DACH2: variants seen among roughly 807,000 people sequenced by gnomAD.
The protein encoded by DACH2 is dachshund homolog 2.
DACH2 carries 17 observed loss-of-function variants against 35.8 expected under a neutral mutation model. That is an observed-to-expected ratio of 0.48 (90% CI 0.33 to 0.71). DACH2 has a LOEUF of 0.71. Among genes scored for constraint, DACH2 ranks in the 30% least tolerant of loss-of-function variants. The pLI, the probability that DACH2 is intolerant of heterozygous loss-of-function variation, is 0.02. For missense variants in DACH2, 469 were observed against 472.7 expected, an observed-to-expected ratio of 0.99 and a Z score of 0.07; for synonymous variants, 195 against 177.3, an observed-to-expected ratio of 1.10 and a Z score of -0.79.
intron 1 of DACH2, among the ~76,000 whole-genome samples, chrX:86,344,787 C>G (rs2035470998): frequency 9.0e-6 from 1 of 111,686 alleles, no homozygotes; most frequent in Non-Finnish European, 1.9e-5. Context: ...AGTCTCCTTT[C>G]CCTTTGTCTC....
chrX:86,781,390 A>T (rs1228156813), intron 7 of DACH2, among the ~76,000 whole-genome samples: 1 of 111,740 alleles, frequency 8.9e-6, no homozygotes, highest in Admixed American at 9.5e-5. Context: ...ATATGGTCAA[A>T]GTATTATGTA....
At position 86,739,858 on chromosome X, in the gene DACH2, A is replaced by G; in HGVS notation, c.1216A>G (p.Met406Val). The change falls in exon 7 of 12, where the codon ATG becomes GTG. Residue 406 changes from methionine (M) to valine (V), a missense_variant. This residue lies in a region of DACH2 where 363 missense variants were observed against 334.4 expected (regional missense o/e 1.09). Transcript: ENST00000373125. ...SSSVSSSPSQ[M>V]DHHLERMEEV... ...CAGTGTGTCCAGCTCTCCCTCTCAG[A>G]TGGATCATCATTTGGAAAGAATGGG... is the stretch of plus-strand genomic sequence containing the variant. 1 of 1,200,714 alleles carries G rather than the reference A, an allele frequency of 8.3e-7. No homozygotes were observed. The highest frequency in any genetic ancestry group is 1.1e-6 in the Non-Finnish European group (1 of 890,913).
chrX:86,320,114 C>T (rs1462015246), intron 1 of DACH2, among the ~76,000 whole-genome samples: 5 of 111,142 alleles, frequency 4.5e-5, no homozygotes, highest in African/African-American at 1.6e-4. Flanking sequence ...TTTCTGTTTT[C>T]CCTAGGAGTC....
intron 1 of DACH2, among the ~76,000 whole-genome samples, chrX:86,293,219 G>A (rs2034350311): frequency 9.7e-6 from 1 of 103,154 alleles, no homozygotes; most frequent in Non-Finnish European, 2.0e-5. Flanking sequence ...TTGATTTAAA[G>A]TCTGTTGTAT....
chrX:86,599,466 T>TTTTCTTTC (rs534501331), intron 3 of DACH2, among the ~76,000 whole-genome samples: 15,138 of 62,543 alleles, frequency 0.24, 2,115 homozygotes, highest in Non-Finnish European at 0.26. Context: ...TCCTTCCTTC[T>TTTTCTTTC]TTTCTTTCTT....
intron 3 of DACH2, among the ~76,000 whole-genome samples, chrX:86,635,911 C>T (rs373546076): frequency 5.4e-5 from 6 of 111,656 alleles, no homozygotes; most frequent in Middle Eastern, 4.6e-3. Context: ...ACATCCCATA[C>T]TCATGGATAG....
intron 3 of DACH2, among the ~76,000 whole-genome samples, chrX:86,571,366 A>G (rs1428508962): frequency 9.1e-6 from 1 of 110,413 alleles, no homozygotes; most frequent in East Asian, 2.9e-4. Flanking sequence ...TTACATATGT[A>G]TACATGTGCC....
At chrX:86,454,839 AGG>A (rs2037445930) in intron 2 of DACH2, among the ~76,000 whole-genome samples, 1 of 112,021 alleles carries the variant, frequency 8.9e-6, no homozygotes, top group African/African-American at 3.2e-5. Flanking sequence ...AGTCATTTGA[AGG>A]AGAAGAGGCA....
intron 1 of DACH2, among the ~76,000 whole-genome samples, chrX:86,171,956 C>T (rs7061962): frequency 0.07 from 7,811 of 111,152 alleles, 673 homozygotes; most frequent in African/African-American, 0.24. Flanking sequence ...CCTTTGGGTA[C>T]ACGTGTGAAG....
intron 1 of DACH2, among the ~76,000 whole-genome samples, chrX:86,199,165 C>T (rs1214167752): frequency 2.7e-5 from 3 of 110,682 alleles, no homozygotes; most frequent in African/African-American, 9.9e-5. Flanking sequence ...AGAAAAAAAC[C>T]ACATGATTAT....
intron 1 of DACH2, among the ~76,000 whole-genome samples, chrX:86,152,948 A>T (rs1349087587): frequency 1.8e-5 from 2 of 111,817 alleles, no homozygotes; most frequent in African/African-American, 6.5e-5. Context: ...TTCTTACTAA[A>T]TTCTCCTAAG....
intron 2 of DACH2, among the ~76,000 whole-genome samples, chrX:86,493,862 A>G (rs1444960959): frequency 8.9e-6 from 1 of 112,237 alleles, no homozygotes; most frequent in Non-Finnish European, 1.9e-5. Flanking sequence ...GGTGTGAGCC[A>G]GACAGTTTCA....
intron 3 of DACH2, among the ~76,000 whole-genome samples, chrX:86,546,354 T>C (rs191525137): frequency 9.3e-4 from 63 of 67,404 alleles, no homozygotes; most frequent in African/African-American, 3.2e-3. Context: ...CTTCTTCTTC[T>C]TCCTCTTCTT....
At chrX:86,168,347 A>G (rs1423646885) in intron 1 of DACH2, among the ~76,000 whole-genome samples, 2 of 111,466 alleles carry the variant, frequency 1.8e-5, no homozygotes, top group Non-Finnish European at 3.8e-5. Context: ...TGATATAAAT[A>G]TAGTGACTCC....
intron 1 of DACH2, among the ~76,000 whole-genome samples, chrX:86,361,089 G>T (rs1357730218): frequency 1.8e-5 from 2 of 111,256 alleles, no homozygotes; most frequent in East Asian, 5.6e-4. Context: ...CTGGCAATCT[G>T]CTAAAATTTG....
chrX:86,412,797 T>G (rs1437072187), intron 2 of DACH2, among the ~76,000 whole-genome samples: 1 of 111,734 alleles, frequency 8.9e-6, no homozygotes, highest in Non-Finnish European at 1.9e-5. Context: ...CCATTGGATC[T>G]GCTGGGTCAT....
chrX:86,657,028 G>A (rs1242529515), intron 4 of DACH2, among the ~76,000 whole-genome samples: 1 of 107,096 alleles, frequency 9.3e-6, no homozygotes, highest in African/African-American at 3.4e-5. Context: ...ACTTATTTGT[G>A]GGAGTTAAAA....
rs552007398 is a variant in DACH2 at position 86,316,061 on chromosome X, C to T, written c.489-60763C>T. On this transcript the variant is annotated intron_variant, in intron 1 of 11. Transcript: ENST00000373125. ...TTTAGAGCAGAGTTTTCTATCAGCT[C>T]TCACCCTGTTCCTTGATCATGTAGG... Among the ~76,000 whole-genome samples the T allele has an allele frequency of 6.3e-5, 7 of 110,845 alleles. No homozygotes were observed. The East Asian group carries it at 1.4e-3, about 23-fold the overall frequency.
chrX:86,206,871 A>G (rs2032326869), intron 1 of DACH2, among the ~76,000 whole-genome samples: 1 of 111,932 alleles, frequency 8.9e-6, no homozygotes, highest in Non-Finnish European at 1.9e-5. Context: ...CTTTCATAAC[A>G]TGGGATTTTT....
Sources: gnomAD v4.1 joint callset for allele counts (sites outside exome capture counted in the v4.1 genomes callset) on GRCh38, gnomAD v4.1.1 for gene constraint, gnomAD v4.1.1 regional missense constraint, MANE v1.5 for transcripts, NCBI Gene and HGNC (gene_info 2026-07-23, HGNC 2026-07-21) for gene names.